RAD17: variants seen among roughly 807,000 people sequenced by gnomAD.
The protein encoded by RAD17 is cell cycle checkpoint protein RAD17.
In RAD17, 31 loss-of-function variants were observed where a neutral mutation model predicts 81.5. The observed-to-expected ratio is 0.38, with a 90% CI of 0.29 to 0.51. RAD17 has a LOEUF of 0.51. Among genes scored for constraint, RAD17 ranks in the 20% least tolerant of loss-of-function variants. The pLI is 0.88. For missense variants in RAD17, 681 were observed against 781.2 expected, an observed-to-expected ratio of 0.87 and a Z score of 1.53; for synonymous variants, 261 against 266.2, an observed-to-expected ratio of 0.98 and a Z score of 0.19.
chr5:69,370,015 T>G, intron 1 of RAD17, 82 bp downstream of exon 1: 1 of 379,866 alleles, frequency 2.6e-6, no homozygotes, highest in Admixed American at 4.8e-5. Flanking sequence ...TTTCCTGGGC[T>G]CTCGTCGCTC....
chr5:69,386,494 C>G, intron 11 of RAD17, 29 bp downstream of exon 11: 1 of 1,530,082 alleles, frequency 6.5e-7, no homozygotes, highest in Non-Finnish European at 8.7e-7. Flanking sequence ...AAACCTTACT[C>G]GATAACTATA....
chr5:69,400,932 CAAAA>C (rs762721530), intron 17 of RAD17, among the ~76,000 whole-genome samples: 3 of 149,240 alleles, frequency 2.0e-5, no homozygotes, highest in African/African-American at 7.4e-5. Flanking sequence ...AGGTCTGTCT[CAAAA>C]AAACAAAAAG....
chr5:69,374,761 C>G (rs768216682), intron 6 of RAD17, 50 bp downstream of exon 6: 1 of 1,401,942 alleles, frequency 7.1e-7, no homozygotes, highest in Admixed American at 1.9e-5. Flanking sequence ...ATTTTTCTGA[C>G]TTACAGTGTG....
chr5:69,384,397 C>T (rs959249923), intron 7 of RAD17, among the ~76,000 whole-genome samples: 1 of 152,106 alleles, frequency 6.6e-6, no homozygotes, highest in Non-Finnish European at 1.5e-5. Context: ...ACCTCCACCT[C>T]CTGGGCTCAA....
intron 6 of RAD17, among the ~76,000 whole-genome samples, chr5:69,376,718 G>A (rs2150775471): frequency 6.6e-6 from 1 of 152,054 alleles, no homozygotes; most frequent in Non-Finnish European, 1.5e-5. Flanking sequence ...TTGAGATGAA[G>A]GAGTTGGTGT....
chr5:69,413,230 C>T (rs751797264), intron 18 of RAD17, among the ~76,000 whole-genome samples: 1 of 151,990 alleles, frequency 6.6e-6, no homozygotes, highest in Non-Finnish European at 1.5e-5. Flanking sequence ...CACCTGAGTT[C>T]GGGAGTTCAA....
rs1332729339 is a variant in RAD17, at chr5:69,393,493, A to C, written c.1415A>C (p.Asp472Ala). ...AGTTTTGCAGATATCCTCAGTGGTG[A>C]CTGGAATGTAAGACCATTTGACTTA... ...FLSFADILSG[D>A]WNTRSLLREY... The change falls in exon 15 of 19, where the codon GAC (aspartate) becomes GCC (alanine). Residue 472 changes from aspartate to alanine, a missense_variant. By Grantham distance (126) the Asp-to-Ala change is moderately radical (BLOSUM62 -2). Coordinates refer to ENST00000354868, the MANE Select transcript of RAD17 (RefSeq NM_133338.3). The C allele has an allele frequency of 6.3e-7, 1 of 1,599,834 alleles. No individual in the cohort carries two copies. The highest frequency in any genetic ancestry group is 1.8e-5 in the Admixed American group (1 of 54,884).
intron 15 of RAD17, among the ~76,000 whole-genome samples, chr5:69,394,756 G>A (rs1764779415): frequency 6.6e-6 from 1 of 152,134 alleles, no homozygotes. Flanking sequence ...TAATATTTCT[G>A]TGTGCTATAA....
intron 6 of RAD17, among the ~76,000 whole-genome samples, chr5:69,375,987 T>C (rs1014494068): frequency 1.3e-5 from 2 of 152,202 alleles, no homozygotes; most frequent in Admixed American, 1.3e-4. Context: ...TATTCGTCTA[T>C]CCTGCATTTC....
At chr5:69,392,258 A>G (rs1003922431) in intron 13 of RAD17, among the ~76,000 whole-genome samples, 1 of 152,200 alleles carries the variant, frequency 6.6e-6, no homozygotes, top group African/African-American at 2.4e-5. Flanking sequence ...CTTTAAAATT[A>G]TAGTTTGCTG....
At chr5:69,393,120 G>T (rs1042828533) in intron 13 of RAD17, 35 bp from the exon 14 acceptor site, 2 of 1,390,672 alleles carry the variant, frequency 1.4e-6, no homozygotes, top group East Asian at 2.3e-5. Flanking sequence ...TATAAAGAAG[G>T]TATTATCTTT....
In RAD17 at chr5:69,384,883, C is replaced by G. The variant is rs775938448; in HGVS notation, c.595C>G (p.Gln199Glu). 1 of 1,608,682 alleles carries G rather than the reference C, an allele frequency of 6.2e-7. No individual in the cohort carries two copies. ...LLRATKYNKL[Q>E]MLGDDLRTDK... Reference sequence around the variant, plus strand: ...AAGAGCGACAAAGTATAACAAGTTACAAATGCTTGGAGATGATCTGAGAAC... The same window carrying G: ...AAGAGCGACAAAGTATAACAAGTTAGAAATGCTTGGAGATGATCTGAGAAC... Residue 199 changes from glutamine to glutamate, a missense_variant, in exon 8 of 19, where the codon CAA becomes GAA. By Grantham distance (29) the Gln-to-Glu change is conservative. Coordinates refer to ENST00000354868, the MANE Select transcript of RAD17 (RefSeq NM_133338.3).
chr5:69,370,873 T>G (rs1170544200), intron 1 of RAD17, 162 bp from the exon 2 acceptor site: 4 of 236,054 alleles, frequency 1.7e-5, no homozygotes, highest in Non-Finnish European at 3.4e-5. Context: ...ACCTTAAACT[T>G]TTCTTCTGGC....
rs3857278 is a variant in RAD17 at position 69,400,208 on chromosome 5, GTTTA to G, written c.1693+59_1693+62del. 28 of 1,024,382 alleles carry G rather than the reference GTTTA, an allele frequency of 2.7e-5. 1 individual carries two copies. Among genetic ancestry groups the G allele is most frequent in the Middle Eastern group, 3.7e-4 (1 of 2,696 alleles). The allele number at this position is 1,024,382 out of a possible 1,614,324, so 63.5% of individuals were successfully genotyped here. ...TTTTTCTTTTCTTTTAAGAAGTAGGGTTTATTTATTTATTTATTTATTTTATTTT... is the reference window on the plus strand; with the variant it reads ...TTTTTCTTTTCTTTTAAGAAGTAGGGTTTATTTATTTATTTATTTTATTTT... On this transcript the variant is annotated intron_variant, in intron 17 of 18. Transcript: ENST00000354868.
At chr5:69,387,276 T>TAA (rs532482634) in intron 11 of RAD17, among the ~76,000 whole-genome samples, 1 of 151,488 alleles carries the variant, frequency 6.6e-6, no homozygotes, top group African/African-American at 2.4e-5. Context: ...AAGATGATGT[T>TAA]AAAAAAAAAT....
rs776702424 is a variant in RAD17 at position 69,381,904 on chromosome 5, G to A, written c.355G>A (p.Gly119Arg). ...TCATATTTGTATTTGATTTTAGGGT[G>A]GATCTATTTTATTAATAACAGGTCC... ...QVLERQPKQG[G>R]SILLITGPPG... The change falls in exon 7 of 19, where the codon GGA (glycine) becomes AGA (arginine). Residue 119 changes from glycine to arginine, a missense_variant. Gly to Arg is a moderately radical substitution (Grantham distance 125). Transcript: ENST00000354868. The A allele has an allele frequency of 3.2e-6, 5 of 1,582,928 alleles. No homozygotes were observed. Among genetic ancestry groups the A allele is most frequent in the Non-Finnish European group, 4.3e-6 (5 of 1,165,780 alleles).
In RAD17 at chr5:69,382,077, T is replaced by C. The variant is rs779762811; in HGVS notation, c.508+20T>C. On this transcript the variant is annotated intron_variant, in intron 7 of 18. Transcript: ENST00000354868. ...ATACTGGTAAGATTTGCTGTGAAGGTAGTAGAAGTAGTGGGGCAAACCTGT... is the reference window on the plus strand; with the variant it reads ...ATACTGGTAAGATTTGCTGTGAAGGCAGTAGAAGTAGTGGGGCAAACCTGT... 6.9e-6 allele frequency: 11 copies of C among 1,604,640 alleles called. No individual in the cohort carries two copies. The highest frequency in any genetic ancestry group is 9.4e-6 in the Non-Finnish European group (11 of 1,173,328).
intron 18 of RAD17, among the ~76,000 whole-genome samples, chr5:69,411,644 G>C (rs1177556): frequency 0.34 from 52,040 of 151,778 alleles, 10,444 homozygotes; most frequent in Non-Finnish European, 0.46. Flanking sequence ...CTTTCCTATC[G>C]CAGAAAGACC....
chr5:69,370,431 C>T (rs1416613132), intron 1 of RAD17: 1 of 152,282 alleles, frequency 6.6e-6, no homozygotes, highest in Admixed American at 6.5e-5. Flanking sequence ...CCTCCGCCTC[C>T]TGGGTTCAAG....
Sources: allele counts gnomAD v4.1 joint callset (sites outside exome capture counted in the v4.1 genomes callset), GRCh38; gene constraint gnomAD v4.1.1; transcripts MANE v1.5; gene names NCBI Gene and HGNC (gene_info 2026-07-23, HGNC 2026-07-21).